Variants in DPP10 observed in about 807,000 individuals in gnomAD.
DPP10 encodes the protein dipeptidyl peptidase like 10.
A neutral mutation model predicts 120.9 loss-of-function variants in DPP10; 33 were observed. The observed-to-expected ratio is 0.27, with a 90% CI of 0.21 to 0.37. The LOEUF (loss-of-function observed/expected upper bound fraction) is 0.37. Ranked by LOEUF, DPP10 falls within the 10% of genes least tolerant of loss-of-function variation. DPP10 has a pLI of 1.00. For synonymous variants in DPP10, 337 were observed against 326.1 expected (o/e 1.03, Z -0.36); for missense variants, 816 against 942.8 (o/e 0.87, Z 1.76).
chr2:115,089,566 C>A (rs1348307093), intron 1 of DPP10, among the ~76,000 whole-genome samples: 1 of 152,148 alleles, frequency 6.6e-6, no homozygotes, highest in East Asian at 1.9e-4. Flanking sequence ...ATAATAATAG[C>A]CACCAATCAT....
chr2:115,571,094 G>A (rs1260931010), intron 5 of DPP10, among the ~76,000 whole-genome samples: 4 of 152,290 alleles, frequency 2.6e-5, no homozygotes, highest in African/African-American at 7.2e-5. Context: ...TACATTCTCA[G>A]TCTAGTTTTT....
chr2:115,162,271 A>T (rs1234701237), intron 1 of DPP10: 2 of 1,552,836 alleles, frequency 1.3e-6, no homozygotes, highest in Non-Finnish European at 1.7e-6. Context: ...GGGGGCAGAG[A>T]GGTAAAGGCT....
At chr2:115,656,915 GA>G (rs1201855451) in intron 5 of DPP10, among the ~76,000 whole-genome samples, 7 of 151,458 alleles carry the variant, frequency 4.6e-5, no homozygotes, top group South Asian at 2.1e-4. Flanking sequence ...TGCGTGAGGA[GA>G]AAAATGGAAA....
chr2:115,098,655 G>A (rs2048525848), intron 1 of DPP10, among the ~76,000 whole-genome samples: 4 of 151,830 alleles, frequency 2.6e-5, no homozygotes, highest in Admixed American at 6.6e-5. Flanking sequence ...TTATCAAAAC[G>A]TCATTATGCG....
At position 115,301,091 on chromosome 2, in the gene DPP10, C is replaced by T. The variant is rs532428089; in HGVS notation, c.61-8148C>T. Among the ~76,000 whole-genome samples the T allele has an allele frequency of 4.6e-5, 7 of 152,040 alleles. No individual in the cohort carries two copies. The East Asian group carries it at 5.8e-4, about 13-fold the overall frequency. On this transcript the variant is annotated intron_variant, in intron 1 of 25. Coordinates refer to ENST00000410059, the MANE Select transcript of DPP10 (RefSeq NM_020868.6). ...TGTTCTCTCCCAATTTCCCCATAGACGGGGCTGCTTTTATTTATTTATTTA... is the reference window on the plus strand; with the variant it reads ...TGTTCTCTCCCAATTTCCCCATAGATGGGGCTGCTTTTATTTATTTATTTA...
chr2:115,369,029 G>T (rs746493456), intron 3 of DPP10, among the ~76,000 whole-genome samples: 1 of 152,034 alleles, frequency 6.6e-6, no homozygotes, highest in Admixed American at 6.6e-5. Flanking sequence ...GATAGGCTCT[G>T]CATATATTAA....
At chr2:115,124,843 A>G (rs1243551285) in intron 1 of DPP10, among the ~76,000 whole-genome samples, 1 of 152,214 alleles carries the variant, frequency 6.6e-6, no homozygotes, top group Non-Finnish European at 1.5e-5. Context: ...AACCCATTAT[A>G]AATAAATGAA....
chr2:114,664,164 G>C (rs1697711016), intron 1 of DPP10, among the ~76,000 whole-genome samples: 1 of 151,964 alleles, frequency 6.6e-6, no homozygotes, highest in Non-Finnish European at 1.5e-5. Context: ...CTCAAAGCTA[G>C]CTCTTTCAGA....
chr2:115,551,676 C>T (rs565005721), intron 5 of DPP10, among the ~76,000 whole-genome samples: 1 of 152,136 alleles, frequency 6.6e-6, no homozygotes, highest in South Asian at 2.1e-4. Flanking sequence ...TTGGTACAAT[C>T]GACATTTAAG....
chr2:114,915,305 G>T (rs1277692353), intron 1 of DPP10, among the ~76,000 whole-genome samples: 1 of 152,182 alleles, frequency 6.6e-6, no homozygotes, highest in African/African-American at 2.4e-5. Flanking sequence ...TTGACAAGAA[G>T]TTTTAACTAT....
At chr2:114,717,433 A>G (rs191223320) in intron 1 of DPP10, among the ~76,000 whole-genome samples, 8 of 152,294 alleles carry the variant, frequency 5.3e-5, no homozygotes, top group Non-Finnish European at 4.4e-5. Flanking sequence ...AAGAAAGACA[A>G]ATGAAAGTAA....
Position 115,343,724 on chromosome 2 carries a change from T to A in DPP10, c.176-93T>A, listed in dbSNP as rs1257592108. Reference sequence around the variant, plus strand: ...ACTTTATATTGTTATGTAGTTAATATATTTTAGAGCAAATATTCCAAATTT... The same window carrying A: ...ACTTTATATTGTTATGTAGTTAATAAATTTTAGAGCAAATATTCCAAATTT... On this transcript the variant is annotated intron_variant, in intron 2 of 25. Transcript: ENST00000410059. 16 of 776,300 alleles carry A rather than the reference T, an allele frequency of 2.1e-5. No individual in the cohort carries two copies. The Admixed American group carries it at 4.0e-4, about 19-fold the overall frequency. 48.1% of individuals were successfully genotyped at this position (776,300 alleles called of 1,614,324 possible). A position where few individuals can be genotyped will look rare whatever the true frequency, so the allele number is the denominator to read the frequency against.
At chr2:114,925,933 C>T (rs1695586438) in intron 1 of DPP10, among the ~76,000 whole-genome samples, 1 of 152,182 alleles carries the variant, frequency 6.6e-6, no homozygotes, top group Non-Finnish European at 1.5e-5. Flanking sequence ...GTGTCTAGTA[C>T]ATACTAAGCA....
At chr2:114,576,708 A>T (rs1419917498) in intron 1 of DPP10, among the ~76,000 whole-genome samples, 2 of 152,026 alleles carry the variant, frequency 1.3e-5, no homozygotes, top group Non-Finnish European at 2.9e-5. Flanking sequence ...TTAGCACACC[A>T]CTCCTTCCAG....
At chr2:114,826,517 G>A (rs1686549288) in intron 1 of DPP10, among the ~76,000 whole-genome samples, 1 of 152,082 alleles carries the variant, frequency 6.6e-6, no homozygotes, top group South Asian at 2.1e-4. Context: ...AATTAAAGTT[G>A]CAAAGGGCCA....
At chr2:114,577,854 A>C (rs1690186001) in intron 1 of DPP10, among the ~76,000 whole-genome samples, 1 of 152,148 alleles carries the variant, frequency 6.6e-6, no homozygotes, top group Non-Finnish European at 1.5e-5. Flanking sequence ...ATCACGTGAC[A>C]TTCTTCCTGT....
chr2:114,568,908 C>A (rs1689414749), intron 1 of DPP10, among the ~76,000 whole-genome samples: 1 of 152,104 alleles, frequency 6.6e-6, no homozygotes, highest in South Asian at 2.1e-4. Flanking sequence ...CAGTCCAGAA[C>A]AAAGCTACAA....
At chr2:115,602,911 A>C (rs2083423286) in intron 5 of DPP10, among the ~76,000 whole-genome samples, 1 of 152,194 alleles carries the variant, frequency 6.6e-6, no homozygotes, top group Non-Finnish European at 1.5e-5. Context: ...AATTTCCAAA[A>C]ATTATAATTA....
At chr2:115,206,498 A>G (rs922589454) in intron 1 of DPP10, among the ~76,000 whole-genome samples, 3 of 152,182 alleles carry the variant, frequency 2.0e-5, no homozygotes, top group Non-Finnish European at 4.4e-5. Flanking sequence ...TGCTTAAAGC[A>G]ATTTTCCCCA....
Sources: allele counts gnomAD v4.1 joint callset (sites outside exome capture counted in the v4.1 genomes callset), GRCh38; gene constraint gnomAD v4.1.1; transcripts MANE v1.5; gene names NCBI Gene and HGNC (gene_info 2026-07-23, HGNC 2026-07-21).